Variants in CYP4X1 observed in about 807,000 individuals in gnomAD.
CYP4X1 encodes cytochrome P450 family 4 subfamily X member 1.
A neutral mutation model predicts 57.9 loss-of-function variants in CYP4X1; 44 were observed. That is an observed-to-expected ratio of 0.76 (90% CI 0.60 to 0.98). CYP4X1 has a LOEUF of 0.98. Ranked by LOEUF, CYP4X1 falls within the 50% of genes least tolerant of loss-of-function variation. CYP4X1 has a pLI of 0.00. For missense variants in CYP4X1, 532 were observed against 623.9 expected, an observed-to-expected ratio of 0.85 and a Z score of 1.57; for synonymous variants, 227 against 228.6, an observed-to-expected ratio of 0.99 and a Z score of 0.06.
At chr1:46,989,785 A>G in the CYP4X1 span, among the ~76,000 whole-genome samples, 1 of 152,374 alleles carries the variant, frequency 6.6e-6, no homozygotes, top group Admixed American at 6.5e-5. Flanking sequence ...AAACCTGACA[A>G]AAACAAGAAA....
chr1:47,048,456 T>C (rs2148516863), intron 9 of CYP4X1, 109 bp from the exon 10 acceptor site: 1 of 1,166,760 alleles, frequency 8.6e-7, no homozygotes, highest in Non-Finnish European at 1.3e-6. Flanking sequence ...AGGCAGAGCA[T>C]TGCCAGGAGC....
At chr1:46,980,891 T>A in the CYP4X1 span, among the ~76,000 whole-genome samples, 7 of 152,164 alleles carry the variant, frequency 4.6e-5, no homozygotes, top group Admixed American at 4.6e-4. Flanking sequence ...GGATTCCCTA[T>A]TTAAAAATAA....
At chr1:46,968,476 TC>T in the CYP4X1 span, among the ~76,000 whole-genome samples, 9 of 152,156 alleles carry the variant, frequency 5.9e-5, no homozygotes, top group Non-Finnish European at 1.3e-4. Flanking sequence ...CATGTCCTTG[TC>T]CCATACATGT....
the CYP4X1 span, among the ~76,000 whole-genome samples, chr1:47,009,877 T>G: frequency 6.6e-6 from 1 of 152,190 alleles, no homozygotes; most frequent in Non-Finnish European, 1.5e-5. Context: ...GGTGAATGTC[T>G]GAATAGACCA....
At chr1:47,053,916 C>A (rs200505868), downstream of CYP4X1, among the ~76,000 whole-genome samples, 35 of 151,918 alleles carry the variant, frequency 2.3e-4, no homozygotes, top group African/African-American at 3.6e-4. Flanking sequence ...GAAGCTCTTT[C>A]GTTTAATTAG....
upstream of CYP4X1, among the ~76,000 whole-genome samples, chr1:47,018,858 T>C (rs1364253859): frequency 6.6e-6 from 1 of 152,132 alleles, no homozygotes; most frequent in Admixed American, 6.5e-5. Context: ...CAATCCAAAC[T>C]GTAGAAAATA....
At chr1:47,033,922 G>A (rs1345545930) in intron 4 of CYP4X1, among the ~76,000 whole-genome samples, 1 of 152,136 alleles carries the variant, frequency 6.6e-6, no homozygotes, top group African/African-American at 2.4e-5. Context: ...CAAGATTTAT[G>A]GTAAGTACAT....
At chr1:47,021,768 T>C (rs1415502634), upstream of CYP4X1, among the ~76,000 whole-genome samples, 1 of 152,158 alleles carries the variant, frequency 6.6e-6, no homozygotes, top group African/African-American at 2.4e-5. Context: ...TGTCCAAGCC[T>C]CAGAGGGAGT....
chr1:47,034,538 G>A (rs147894796), intron 4 of CYP4X1, among the ~76,000 whole-genome samples: 2 of 152,222 alleles, frequency 1.3e-5, no homozygotes, highest in East Asian at 1.9e-4. Flanking sequence ...ACCCATCCCT[G>A]TTCCCATACA....
chr1:47,034,259 A>G (rs1007172216), intron 4 of CYP4X1, among the ~76,000 whole-genome samples: 6 of 152,166 alleles, frequency 3.9e-5, no homozygotes, highest in African/African-American at 1.2e-4. Context: ...GAATGTGTGT[A>G]TTAAAGTTGC....
the CYP4X1 span, among the ~76,000 whole-genome samples, chr1:47,011,038 A>G: frequency 6.6e-6 from 1 of 152,344 alleles, no homozygotes; most frequent in Admixed American, 6.5e-5. Flanking sequence ...GACTTTCTTC[A>G]CAGAATTAGA....
At chr1:46,967,414 G>A in the CYP4X1 span, among the ~76,000 whole-genome samples, 1 of 152,144 alleles carries the variant, frequency 6.6e-6, no homozygotes, top group African/African-American at 2.4e-5. Context: ...AAAGAAATGG[G>A]GGCAGACAGG....
At chr1:47,044,580 T>C (rs1028175784) in intron 8 of CYP4X1, among the ~76,000 whole-genome samples, 1 of 152,224 alleles carries the variant, frequency 6.6e-6, no homozygotes, top group African/African-American at 2.4e-5. Context: ...GTATTTACCT[T>C]TATCAGTGAG....
the CYP4X1 span, among the ~76,000 whole-genome samples, chr1:47,014,539 C>CA: frequency 2.0e-5 from 3 of 152,232 alleles, no homozygotes; most frequent in Non-Finnish European, 4.4e-5. Flanking sequence ...CTTCTCAACC[C>CA]ACTTTATTTT....
chr1:47,015,866 C>T, the CYP4X1 span, among the ~76,000 whole-genome samples: 3 of 152,320 alleles, frequency 2.0e-5, no homozygotes, highest in South Asian at 6.2e-4. Context: ...CGTGTTTTCT[C>T]TCTTACTGCC....
chr1:47,004,520 C>A, the CYP4X1 span, among the ~76,000 whole-genome samples: 10 of 152,330 alleles, frequency 6.6e-5, no homozygotes, highest in African/African-American at 2.4e-4. Context: ...CTGGCCATGG[C>A]CAGTGAAATT....
At chr1:46,965,841 G>A in the CYP4X1 span, among the ~76,000 whole-genome samples, 840 of 152,264 alleles carry the variant, frequency 5.5e-3, 11 homozygotes, top group African/African-American at 0.019. Context: ...TGATGGCCAC[G>A]CCTCCCCTCA....
At chr1:46,976,469 C>A in the CYP4X1 span, among the ~76,000 whole-genome samples, 34 of 152,214 alleles carry the variant, frequency 2.2e-4, no homozygotes, top group Non-Finnish European at 4.0e-4. Context: ...TGGAGCCCAC[C>A]GCAGCTCAAT....
At chr1:47,051,330 G>T (rs1644358841), downstream of CYP4X1, among the ~76,000 whole-genome samples, 1 of 151,428 alleles carries the variant, frequency 6.6e-6, no homozygotes, top group African/African-American at 2.4e-5. Flanking sequence ...AGTGAGCCGA[G>T]GTGGCGCCAC....
Sources: gnomAD v4.1 joint callset for allele counts (sites outside exome capture counted in the v4.1 genomes callset) on GRCh38, gnomAD v4.1.1 for gene constraint, MANE v1.5 for transcripts, NCBI Gene and HGNC (gene_info 2026-07-23, HGNC 2026-07-21) for gene names.